The following CATSPERT variants were observed in gnomAD, a reference collection of about 807,000 sequenced individuals.
CATSPERT encodes the protein cation channel sperm-associated targeting subunit tau.
the CATSPERT span, among the ~76,000 whole-genome samples, chr2:201,599,597 G>A: frequency 6.6e-6 from 1 of 151,922 alleles, no homozygotes; most frequent in African/African-American, 2.4e-5. Flanking sequence ...TTTCCCTGTA[G>A]TTAACATGTG....
chr2:201,549,450 T>G, the CATSPERT span, among the ~76,000 whole-genome samples: 1 of 152,196 alleles, frequency 6.6e-6, no homozygotes, highest in African/African-American at 2.4e-5. Context: ...ATAACCATAT[T>G]ATACAATCAA....
the CATSPERT span, among the ~76,000 whole-genome samples, chr2:201,528,400 C>T: frequency 6.6e-6 from 1 of 152,184 alleles, no homozygotes; most frequent in East Asian, 1.9e-4. Context: ...ACCCAGCAAT[C>T]CCATTACTGG....
At chr2:201,576,080 C>T in the CATSPERT span, among the ~76,000 whole-genome samples, 1 of 152,142 alleles carries the variant, frequency 6.6e-6, no homozygotes, top group Non-Finnish European at 1.5e-5. Flanking sequence ...AATGTTCCTG[C>T]TAAGTTACAG....
chr2:201,494,846 C>A, the CATSPERT span: 1 of 1,330,606 alleles, frequency 7.5e-7, no homozygotes, highest in Non-Finnish European at 9.9e-7. Context: ...CTTGAGCAAT[C>A]TGTCAATGTA....
At chr2:201,588,227 T>G in the CATSPERT span, among the ~76,000 whole-genome samples, 1 of 151,986 alleles carries the variant, frequency 6.6e-6, no homozygotes, top group African/African-American at 2.4e-5. Context: ...TGATGAACAT[T>G]GATGCAAAAA....
At chr2:201,538,505 A>T in the CATSPERT span, among the ~76,000 whole-genome samples, 93,700 of 151,978 alleles carry the variant, frequency 0.62, 30,534 homozygotes, top group East Asian at 0.95. Flanking sequence ...GTGTTCACTT[A>T]GTGTCTCTGC....
the CATSPERT span, chr2:201,492,764 C>T: frequency 2.0e-6 from 3 of 1,535,474 alleles, no homozygotes; most frequent in Non-Finnish European, 2.6e-6. Context: ...CTGTTTGGCC[C>T]TTTCTGCTCT....
At chr2:201,555,229 T>C in the CATSPERT span, 1 of 152,234 alleles carries the variant, frequency 6.6e-6, no homozygotes, top group Non-Finnish European at 1.5e-5. Flanking sequence ...AAATCACTTA[T>C]CACAGTCAGG....
the CATSPERT span, among the ~76,000 whole-genome samples, chr2:201,612,996 C>G: frequency 6.6e-6 from 1 of 152,342 alleles, no homozygotes; most frequent in South Asian, 2.1e-4. Flanking sequence ...AGCAGCAAGG[C>G]TGGGGGAGGG....
At chr2:201,559,854 G>T in the CATSPERT span, among the ~76,000 whole-genome samples, 3 of 152,122 alleles carry the variant, frequency 2.0e-5, no homozygotes, top group Non-Finnish European at 4.4e-5. Flanking sequence ...AGAAATCAAT[G>T]TAGGGACACA....
chr2:201,487,917 A>G, the CATSPERT span: 1 of 1,551,292 alleles, frequency 6.4e-7, no homozygotes, highest in South Asian at 1.2e-5. Context: ...ATAATAAAAT[A>G]AAAGATCCAA....
chr2:201,516,955 C>T, the CATSPERT span, among the ~76,000 whole-genome samples: 1 of 149,500 alleles, frequency 6.7e-6, no homozygotes, highest in African/African-American at 2.5e-5. Context: ...TTCTATTTCA[C>T]CTCATGTCAG....
At chr2:201,618,863 G>A in the CATSPERT span, 5 of 1,601,168 alleles carry the variant, frequency 3.1e-6, no homozygotes, top group Admixed American at 1.7e-5. Context: ...TGCTGGCCCC[G>A]GTCCTCCAGG....
chr2:201,536,439 CATT>C, the CATSPERT span: 1 of 1,231,770 alleles, frequency 8.1e-7, no homozygotes, highest in African/African-American at 1.5e-5. Context: ...AACAAATTAC[CATT>C]ATTATTTGTA....
At chr2:201,572,640 C>T in the CATSPERT span, among the ~76,000 whole-genome samples, 71,790 of 151,796 alleles carry the variant, frequency 0.47, 17,341 homozygotes, top group East Asian at 0.75. Flanking sequence ...AACCTACCTC[C>T]GGAGTTGGTG....
the CATSPERT span, chr2:201,603,250 T>C: frequency 6.2e-7 from 1 of 1,611,630 alleles, no homozygotes. Flanking sequence ...TCTGCAGTTC[T>C]TTATATGAAT....
chr2:201,539,327 T>C, the CATSPERT span, among the ~76,000 whole-genome samples: 10 of 152,120 alleles, frequency 6.6e-5, no homozygotes, highest in Non-Finnish European at 1.2e-4. Context: ...TGCCGGCATC[T>C]GTTATTTTTT....
At chr2:201,568,354 T>C in the CATSPERT span, among the ~76,000 whole-genome samples, 1 of 152,172 alleles carries the variant, frequency 6.6e-6, no homozygotes, top group Admixed American at 6.5e-5. Flanking sequence ...TAAATTGTAA[T>C]GTAGGGCTAG....
At chr2:201,536,549 A>G in the CATSPERT span, among the ~76,000 whole-genome samples, 40 of 152,038 alleles carry the variant, frequency 2.6e-4, no homozygotes, top group African/African-American at 8.9e-4. Flanking sequence ...AGTGGTTCTC[A>G]TATATCCAAA....
Sources: allele counts gnomAD v4.1 joint callset (sites outside exome capture counted in the v4.1 genomes callset), GRCh38; gene constraint gnomAD v4.1.1; transcripts MANE v1.5; gene names NCBI Gene and HGNC (gene_info 2026-07-23, HGNC 2026-07-21).